Variants in GNB1L observed in about 807,000 individuals in gnomAD.
The protein encoded by GNB1L is G protein subunit beta 1 like, also known as guanine nucleotide-binding protein subunit beta-like protein 1.
Under a neutral mutation model 29.1 loss-of-function variants are expected in GNB1L, and 20 were observed. The ratio of observed to expected loss-of-function variants is 0.69; its 90% CI spans 0.48 to 1.00. The LOEUF is 1.00. Among genes scored for constraint, GNB1L ranks in the 50% least tolerant of loss-of-function variants. The probability of loss-of-function intolerance (pLI) is 0.00; values close to 1 mark genes in which losing one functional copy is unlikely to be tolerated. For missense variants in GNB1L, 421 were observed against 464.9 expected, an observed-to-expected ratio of 0.91 and a Z score of 0.87; for synonymous variants, 193 against 206.5, an observed-to-expected ratio of 0.93 and a Z score of 0.56.
chr22:19,847,365 G>A (rs959381427), intron 2 of GNB1L: 1 of 985,416 alleles, frequency 1.0e-6, no homozygotes, highest in Non-Finnish European at 1.2e-6. Flanking sequence ...CTCCTTTATT[G>A]CTGGATCTTT....
chr22:19,793,034 G>A (rs1937269410), intron 7 of GNB1L: 2 of 1,595,258 alleles, frequency 1.3e-6, no homozygotes, highest in African/African-American at 1.3e-5. Context: ...CTAAGTCTGT[G>A]GCTCGTATCG....
intron 6 of GNB1L, among the ~76,000 whole-genome samples, chr22:19,805,868 C>T (rs1467667761): frequency 6.6e-6 from 1 of 152,202 alleles, no homozygotes; most frequent in African/African-American, 2.4e-5. Context: ...GACCCCTTAC[C>T]GTGGGCTTCC....
At chr22:19,811,064 C>T (rs927681685) in intron 5 of GNB1L, among the ~76,000 whole-genome samples, 10 of 152,180 alleles carry the variant, frequency 6.6e-5, no homozygotes, top group African/African-American at 2.4e-4. Flanking sequence ...GACCTTGGGT[C>T]CCGGGGGAGG....
At chr22:19,851,718 G>C (rs182295773) in intron 2 of GNB1L, 3 of 1,604,286 alleles carry the variant, frequency 1.9e-6, no homozygotes, top group Non-Finnish European at 2.6e-6. Flanking sequence ...AAACTGTTCG[G>C]GTCTTGAACA....
chr22:19,802,397 G>C (rs1937385381), intron 6 of GNB1L, among the ~76,000 whole-genome samples, 181 bp from the exon 7 acceptor site: 1 of 152,202 alleles, frequency 6.6e-6, no homozygotes, highest in South Asian at 2.1e-4. Context: ...ACAGCCCCTG[G>C]ATGGCTGATG....
chr22:19,835,329 C>T (rs1332522712), intron 2 of GNB1L, among the ~76,000 whole-genome samples: 1 of 147,484 alleles, frequency 6.8e-6, no homozygotes, highest in Non-Finnish European at 1.5e-5. Flanking sequence ...GAGCACTCAT[C>T]AAGATAGGCC....
intron 7 of GNB1L, chr22:19,792,771 G>A (rs1039404044): frequency 2.4e-5 from 35 of 1,488,042 alleles, no homozygotes; most frequent in African/African-American, 4.1e-5. Context: ...GATTGCAGAC[G>A]ACGTGGATCC....
At chr22:19,826,554 A>T (rs1181748474) in intron 2 of GNB1L, among the ~76,000 whole-genome samples, 1 of 152,172 alleles carries the variant, frequency 6.6e-6, no homozygotes, top group Non-Finnish European at 1.5e-5. Context: ...CTGCAACTAC[A>T]AGTAGAGAGC....
chr22:19,823,939 C>T (rs1239753214), intron 2 of GNB1L, among the ~76,000 whole-genome samples: 11 of 152,238 alleles, frequency 7.2e-5, no homozygotes, highest in Admixed American at 4.6e-4. Context: ...GACAGCACGG[C>T]GGCCTTGGGC....
At chr22:19,822,352 A>T (rs1003428168) in intron 2 of GNB1L, among the ~76,000 whole-genome samples, 1 of 152,032 alleles carries the variant, frequency 6.6e-6, no homozygotes, top group African/African-American at 2.4e-5. Context: ...CCTGTGGGGG[A>T]AGACTGCCGG....
At position 19,813,497 on chromosome 22, in the gene GNB1L, C is replaced by T. The variant is rs187194544; in HGVS notation, c.255-1050G>A. Among the ~76,000 whole-genome samples, 21 of 151,920 alleles carry T rather than the reference C, an allele frequency of 1.4e-4. No homozygotes were observed. The East Asian group carries it at 4.1e-3, about 30-fold the overall frequency. ...GGTCAGGAGTTCAAGACCAGCCTGG[C>T]CAACATGGTGAAACCCCGTCTCTAC... On this transcript the variant is annotated intron_variant, in intron 4 of 7. Coordinates refer to ENST00000329517, the MANE Select transcript of GNB1L (RefSeq NM_053004.3).
chr22:19,789,127 G>A (rs1344151249), intron 7 of GNB1L, among the ~76,000 whole-genome samples, 167 bp from the exon 8 acceptor site: 4 of 152,288 alleles, frequency 2.6e-5, no homozygotes, highest in Non-Finnish European at 2.9e-5. Context: ...CTAAGGCCAC[G>A]ATGGGGGACT....
intron 5 of GNB1L, among the ~76,000 whole-genome samples, chr22:19,809,533 T>A (rs1489893163): frequency 6.6e-6 from 1 of 152,098 alleles, no homozygotes; most frequent in African/African-American, 2.4e-5. Context: ...AGCTGACTAA[T>A]ACAAGCCACC....
chr22:19,828,441 G>A (rs1230458385), intron 2 of GNB1L, among the ~76,000 whole-genome samples: 3 of 152,078 alleles, frequency 2.0e-5, no homozygotes, highest in African/African-American at 7.2e-5. Flanking sequence ...GATTACTTGA[G>A]GCCAGGAGTT....
chr22:19,806,133 T>C (rs1937431413), intron 6 of GNB1L, among the ~76,000 whole-genome samples: 1 of 152,012 alleles, frequency 6.6e-6, no homozygotes, highest in Non-Finnish European at 1.5e-5. Flanking sequence ...CAAAGAACAG[T>C]TGAGAAGGAA....
rs535130919 is a variant in GNB1L, at chr22:19,822,068, A to G, written c.-20-693T>C. On this transcript the variant is annotated intron_variant, in intron 2 of 7. Coordinates refer to ENST00000329517, the MANE Select transcript of GNB1L (RefSeq NM_053004.3). ...AGGGTCCCGGGGGGCTGCTAGGAGG[A>G]GCCTTCCTCTCACATCTGCTGGGCC... Among the ~76,000 whole-genome samples the G allele has an allele frequency of 9.9e-5, 15 of 151,794 alleles. No individual in the cohort carries two copies. The East Asian group carries it at 2.7e-3, about 28-fold the overall frequency.
chr22:19,829,781 AT>A (rs1397479292), intron 2 of GNB1L, among the ~76,000 whole-genome samples: 2 of 152,194 alleles, frequency 1.3e-5, no homozygotes, highest in Non-Finnish European at 2.9e-5. Flanking sequence ...CTTTGACAAT[AT>A]TCAATGCCCA....
intron 2 of GNB1L, chr22:19,850,443 C>T: frequency 1.0e-6 from 1 of 995,576 alleles, no homozygotes; most frequent in Non-Finnish European, 1.2e-6. Flanking sequence ...GAGGAGCCTG[C>T]TTCAGAACAC....
intron 2 of GNB1L, among the ~76,000 whole-genome samples, chr22:19,844,850 G>A (rs779829635): frequency 4.6e-5 from 7 of 152,238 alleles, no homozygotes; most frequent in Non-Finnish European, 8.8e-5. Flanking sequence ...CTGCTTTACA[G>A]GAAGCGTGAC....
Sources: allele counts gnomAD v4.1 joint callset (sites outside exome capture counted in the v4.1 genomes callset), GRCh38; gene constraint gnomAD v4.1.1; transcripts MANE v1.5; gene names NCBI Gene and HGNC (gene_info 2026-07-23, HGNC 2026-07-21).